Variants in GAS2 observed in about 807,000 individuals in gnomAD.
GAS2 encodes the protein growth arrest specific 2.
In GAS2, 20 loss-of-function variants were observed where a neutral mutation model predicts 37.5. The ratio of observed to expected loss-of-function variants is 0.53; its 90% confidence interval spans 0.37 to 0.77. The LOEUF is 0.77. Ranked by LOEUF, GAS2 falls within the 30% of genes least tolerant of loss-of-function variation. GAS2 has a pLI of 0.00. For missense variants in GAS2, 336 were observed against 373.4 expected (o/e 0.90, Z 0.82); for synonymous variants, 144 against 132.2 (o/e 1.09, Z -0.61).
At position 22,711,631 on chromosome 11, in the gene GAS2, A is replaced by G. The variant is rs400692; in HGVS notation, c.268-14661A>G. On this transcript the variant is annotated intron_variant, in intron 3 of 7. Coordinates refer to ENST00000454584, the MANE Select transcript of GAS2 (RefSeq NM_001143830.3). Reference sequence around the variant, plus strand: ...GGGCAAGATTTCAGCCATGCTCACAAGCTGCCTGGATATAAACTCAGTGCA... The same window carrying G: ...GGGCAAGATTTCAGCCATGCTCACAGGCTGCCTGGATATAAACTCAGTGCA... 2.8e-3 allele frequency among the ~76,000 whole-genome samples: 427 copies of G among 152,310 alleles called. 1 individual carries two copies. Among genetic ancestry groups the G allele is most frequent in the African/African-American group, 9.7e-3 (402 of 41,574 alleles).
intron 5 of GAS2, among the ~76,000 whole-genome samples, chr11:22,745,276 G>A (rs1274574008): frequency 6.6e-6 from 1 of 151,976 alleles, no homozygotes; most frequent in Non-Finnish European, 1.5e-5. Flanking sequence ...ACAGAACAAT[G>A]AAACAGAATA....
chr11:22,681,229 CAT>C (rs1206909745), intron 2 of GAS2, among the ~76,000 whole-genome samples: 1 of 152,074 alleles, frequency 6.6e-6, no homozygotes, highest in Non-Finnish European at 1.5e-5. Context: ...TTATGGCAAA[CAT>C]ATTTCTGGGA....
chr11:22,730,579 A>G (rs1852422920), intron 4 of GAS2, among the ~76,000 whole-genome samples: 1 of 151,746 alleles, frequency 6.6e-6, no homozygotes, highest in Non-Finnish European at 1.5e-5. Flanking sequence ...TCTTTTCATT[A>G]CTCTGATATA....
At chr11:22,643,131 A>G (rs1302403940) in intron 1 of GAS2, among the ~76,000 whole-genome samples, 2 of 152,062 alleles carry the variant, frequency 1.3e-5, no homozygotes, top group African/African-American at 4.8e-5. Flanking sequence ...AAAAGCCTCC[A>G]GCTTTGGGTT....
At chr11:22,667,017 AGAGGTCATTAAAAAATAACCTCAGGAAC>A (rs2133854060) in intron 1 of GAS2, 118 bp downstream of exon 1, 1 of 152,336 alleles carries the variant, frequency 6.6e-6, no homozygotes, top group South Asian at 2.1e-4. Flanking sequence ...GGGGGAGGGG[AGAGGTCATTAAAAAATAACCTCAGGAAC>A]GAGGCGGGGA....
intron 1 of GAS2, among the ~76,000 whole-genome samples, chr11:22,651,936 A>G (rs1203834530): frequency 6.6e-6 from 1 of 152,194 alleles, no homozygotes. Context: ...GTCATTCTCC[A>G]TCCAGCTTTG....
intron 3 of GAS2, among the ~76,000 whole-genome samples, chr11:22,718,111 C>T (rs1851767033): frequency 6.6e-6 from 1 of 152,158 alleles, no homozygotes; most frequent in Admixed American, 6.5e-5. Context: ...CCAGCAATCC[C>T]ACTACTGAGT....
At chr11:22,663,516 A>G (rs1239939918), upstream of GAS2, among the ~76,000 whole-genome samples, 1 of 152,218 alleles carries the variant, frequency 6.6e-6, no homozygotes, top group Non-Finnish European at 1.5e-5. Flanking sequence ...TAGAAAACAT[A>G]TGCTTATACC....
At chr11:22,651,295 G>A (rs1297801937) in intron 1 of GAS2, among the ~76,000 whole-genome samples, 4 of 152,210 alleles carry the variant, frequency 2.6e-5, no homozygotes, top group Non-Finnish European at 5.9e-5. Context: ...TCCGCTGTTA[G>A]TCTGATGGGC....
chr11:22,720,293 T>C (rs867268895), intron 3 of GAS2, among the ~76,000 whole-genome samples: 3 of 152,000 alleles, frequency 2.0e-5, no homozygotes, highest in East Asian at 3.9e-4. Context: ...AGGGTCAATT[T>C]TGGATTCAAG....
intron 6 of GAS2, among the ~76,000 whole-genome samples, chr11:22,751,784 G>C (rs926240822): frequency 6.6e-6 from 1 of 152,070 alleles, no homozygotes; most frequent in Middle Eastern, 3.4e-3. Flanking sequence ...GGAAAACTAT[G>C]AAAAGGACTT....
intron 1 of GAS2, among the ~76,000 whole-genome samples, chr11:22,659,142 G>C (rs918147492): frequency 6.6e-6 from 1 of 152,122 alleles, no homozygotes. Context: ...TTTTATTTTG[G>C]GTATGTCCAT....
intron 3 of GAS2, among the ~76,000 whole-genome samples, chr11:22,723,081 A>G (rs1373450865): frequency 2.6e-5 from 4 of 151,862 alleles, no homozygotes; most frequent in Non-Finnish European, 5.9e-5. Flanking sequence ...AAAATCCTCA[A>G]ATAAAATATT....
intron 5 of GAS2, among the ~76,000 whole-genome samples, chr11:22,742,286 C>CT (rs1293810683): frequency 1.3e-5 from 2 of 152,044 alleles, no homozygotes; most frequent in African/African-American, 4.8e-5. Context: ...TTCTAAAACT[C>CT]TGAAATCTTG....
chr11:22,695,855 A>G (rs1850479058), intron 3 of GAS2, among the ~76,000 whole-genome samples: 1 of 152,184 alleles, frequency 6.6e-6, no homozygotes, highest in Admixed American at 6.5e-5. Context: ...ATTATTAGAA[A>G]TTGTGTCCTG....
chr11:22,755,483 G>C (rs1019355916), intron 6 of GAS2, among the ~76,000 whole-genome samples: 6 of 151,998 alleles, frequency 3.9e-5, no homozygotes, highest in African/African-American at 1.4e-4. Flanking sequence ...TTCTATTCTG[G>C]TTTTCAATAG....
intron 4 of GAS2, among the ~76,000 whole-genome samples, chr11:22,735,778 A>T (rs1479059453): frequency 6.6e-6 from 1 of 151,896 alleles, no homozygotes; most frequent in Non-Finnish European, 1.5e-5. Context: ...TTAGCTGCAC[A>T]TTGACACAAT....
At chr11:22,680,385 T>C (rs138586676) in intron 2 of GAS2, among the ~76,000 whole-genome samples, 90 of 152,204 alleles carry the variant, frequency 5.9e-4, no homozygotes, top group Admixed American at 1.0e-3. Context: ...GGTCTAGGGA[T>C]TTTGCATATA....
chr11:22,675,137 C>T (rs1590609510), intron 2 of GAS2, 123 bp downstream of exon 2: 1 of 993,304 alleles, frequency 1.0e-6, no homozygotes, highest in Non-Finnish European at 1.4e-6. Context: ...TATTATTTGA[C>T]ATTTGCATCT....
Sources: allele counts gnomAD v4.1 joint callset (sites outside exome capture counted in the v4.1 genomes callset), GRCh38; gene constraint gnomAD v4.1.1; transcripts MANE v1.5; gene names NCBI Gene and HGNC (gene_info 2026-07-23, HGNC 2026-07-21).